Variants in CERS3 observed in about 807,000 individuals in gnomAD.
CERS3 encodes ceramide synthase 3.
Under a neutral mutation model 50.3 loss-of-function variants are expected in CERS3, and 33 were observed. The ratio of observed to expected loss-of-function variants is 0.66; its 90% CI spans 0.50 to 0.88. CERS3 has a LOEUF of 0.88. CERS3 is among the 40% of genes least tolerant of loss of function. CERS3 has a pLI of 0.00. For missense variants in CERS3, 470 were observed against 460.3 expected, an observed-to-expected ratio of 1.02 and a Z score of -0.19; for synonymous variants, 176 against 155.2, an observed-to-expected ratio of 1.13 and a Z score of -0.99.
At chr15:100,454,184 A>T (rs2034276589) in intron 11 of CERS3, among the ~76,000 whole-genome samples, 1 of 152,154 alleles carries the variant, frequency 6.6e-6, no homozygotes, top group African/African-American at 2.4e-5. Context: ...TGACCCCAAG[A>T]GTTTGAGACC....
At position 100,484,473 on chromosome 15, in the gene CERS3, G is replaced by T. The variant is rs2035426926; in HGVS notation, c.407+77C>A. The T allele has an allele frequency of 1.0e-5, 10 of 996,254 alleles. No individual in the cohort carries two copies. In the Admixed American group the frequency reaches 1.4e-4, roughly 14 times the overall value. The allele number at this position is 996,254 out of a possible 1,614,324, so 61.7% of individuals were successfully genotyped here. A position where few individuals can be genotyped will look rare whatever the true frequency, so the allele number is the denominator to read the frequency against. On this transcript the variant is annotated intron_variant, in intron 5 of 11. Transcript: ENST00000679737. ...TCTGAACCCTCCCTCTGCTGCTCCG[G>T]CAGTATTCTCTCTGCAAGGACCACT... is the stretch of plus-strand genomic sequence containing the variant.
intron 11 of CERS3, among the ~76,000 whole-genome samples, chr15:100,443,602 G>C (rs1033391422): frequency 1.4e-5 from 2 of 147,616 alleles, no homozygotes; most frequent in Non-Finnish European, 3.0e-5. Flanking sequence ...CTTTCACTTG[G>C]ACTGACCCTG....
intron 3 of CERS3, among the ~76,000 whole-genome samples, chr15:100,492,580 A>C (rs1426917304): frequency 6.6e-6 from 1 of 152,174 alleles, no homozygotes; most frequent in Non-Finnish European, 1.5e-5. Context: ...TTTTACATTC[A>C]ACCTATTTGT....
At chr15:100,473,950 T>C (rs2142249581) in intron 8 of CERS3, among the ~76,000 whole-genome samples, 1 of 152,196 alleles carries the variant, frequency 6.6e-6, no homozygotes, top group South Asian at 2.1e-4. Context: ...TACTTAGCAA[T>C]AAAAAGTAAT....
intron 3 of CERS3, among the ~76,000 whole-genome samples, chr15:100,500,976 C>T (rs1421698838): frequency 6.6e-6 from 1 of 152,124 alleles, no homozygotes; most frequent in Non-Finnish European, 1.5e-5. Context: ...GTGCTAATAA[C>T]AGCTTTTTGA....
intron 3 of CERS3, among the ~76,000 whole-genome samples, chr15:100,499,888 A>C (rs2035946345): frequency 6.6e-6 from 1 of 152,160 alleles, no homozygotes; most frequent in Non-Finnish European, 1.5e-5. Flanking sequence ...ACCTGAGCTC[A>C]TGGGTTCGAG....
chr15:100,472,953 C>A lies in CERS3; in HGVS notation c.709G>T (p.Val237Leu), dbSNP rs115411592. 337 of 1,613,994 alleles carry A rather than the reference C, an allele frequency of 2.1e-4. No individual in the cohort carries two copies. In the African/African-American group the frequency reaches 4.1e-3, roughly 20 times the overall value. Residue 237 changes from valine to leucine, a missense_variant, in exon 9 of 12, where the codon GTA becomes TTA. By Grantham distance (32) the Val-to-Leu change is conservative. Transcript: ENST00000679737. Reference protein sequence around the residue: ...YIRSGTLVMIVHDVADIWLES... With the variant: ...YIRSGTLVMILHDVADIWLES... ...AGCCAAATGTCAGCCACATCGTGTA[C>A]AATCATCACGAGGGTCCCACTGCGA...
At chr15:100,410,135 G>T (rs1303407109) in intron 11 of CERS3, among the ~76,000 whole-genome samples, 2 of 152,112 alleles carry the variant, frequency 1.3e-5, no homozygotes, top group African/African-American at 4.8e-5. Context: ...TTCACTCCAC[G>T]TTGGAAGGGG....
intron 11 of CERS3, among the ~76,000 whole-genome samples, chr15:100,409,069 AC>A (rs1173032183): frequency 5.3e-5 from 8 of 152,132 alleles, no homozygotes; most frequent in Non-Finnish European, 1.0e-4. Context: ...ATGAGGCAGG[AC>A]ACCCAGGAGA....
intron 7 of CERS3, among the ~76,000 whole-genome samples, chr15:100,476,797 A>C (rs140794957): frequency 3.3e-5 from 5 of 152,220 alleles, no homozygotes; most frequent in Middle Eastern, 6.3e-3. Context: ...AGTGTACCCA[A>C]TGAATGTTGC....
At chr15:100,499,315 T>G (rs1567664442) in intron 3 of CERS3, among the ~76,000 whole-genome samples, 1 of 152,114 alleles carries the variant, frequency 6.6e-6, no homozygotes, top group Non-Finnish European at 1.5e-5. Context: ...GAAGATAAAC[T>G]AATTAGAAAC....
chr15:100,422,934 G>T (rs1347509323), intron 11 of CERS3, among the ~76,000 whole-genome samples: 12 of 138,356 alleles, frequency 8.7e-5, no homozygotes, highest in African/African-American at 3.2e-4. Flanking sequence ...GGGGACTGTT[G>T]TGGGGTGGGG....
intron 11 of CERS3, among the ~76,000 whole-genome samples, chr15:100,416,712 C>A (rs2031939962): frequency 1.3e-5 from 2 of 152,128 alleles, no homozygotes; most frequent in African/African-American, 4.8e-5. Flanking sequence ...CAGCATAGGG[C>A]AAACTGCTCC....
At chr15:100,524,845 A>T (rs1380039029) in intron 1 of CERS3, among the ~76,000 whole-genome samples, 2 of 152,214 alleles carry the variant, frequency 1.3e-5, no homozygotes, top group Non-Finnish European at 2.9e-5. Context: ...ATCAACAAGT[A>T]TTTATTGACT....
chr15:100,456,308 T>C (rs1251451579), intron 10 of CERS3, among the ~76,000 whole-genome samples: 2 of 152,248 alleles, frequency 1.3e-5, no homozygotes, highest in African/African-American at 2.4e-5. Flanking sequence ...GGAATGTTTC[T>C]GTACCTTGGT....
intron 10 of CERS3, among the ~76,000 whole-genome samples, chr15:100,464,365 G>A (rs1361477323): frequency 6.6e-6 from 1 of 152,144 alleles, no homozygotes; most frequent in South Asian, 2.1e-4. Flanking sequence ...GGCATGAGCT[G>A]GGTCTCACTC....
intron 10 of CERS3, among the ~76,000 whole-genome samples, chr15:100,462,224 C>A (rs1012100113): frequency 3.9e-5 from 6 of 152,334 alleles, no homozygotes; most frequent in Non-Finnish European, 7.3e-5. Flanking sequence ...TAAGCTACTA[C>A]CATGCCCTTG....
intron 11 of CERS3, among the ~76,000 whole-genome samples, chr15:100,447,934 A>G (rs1488951823): frequency 1.3e-5 from 2 of 152,346 alleles, no homozygotes; most frequent in Non-Finnish European, 2.9e-5. Context: ...AAAAACCTTC[A>G]ATAGTCTAAA....
intron 4 of CERS3, 132 bp downstream of exon 4, chr15:100,490,685 T>C: frequency 1.6e-6 from 1 of 627,288 alleles, no homozygotes; most frequent in African/African-American, 1.9e-5. Flanking sequence ...AAAGAAACAA[T>C]AAATCCAAGT....
Sources: gnomAD v4.1 joint callset for allele counts (sites outside exome capture counted in the v4.1 genomes callset) on GRCh38, gnomAD v4.1.1 for gene constraint, MANE v1.5 for transcripts, NCBI Gene and HGNC (gene_info 2026-07-23, HGNC 2026-07-21) for gene names.